Variants in PPP1R13B observed in about 807,000 individuals in gnomAD.
The protein encoded by PPP1R13B is apoptosis-stimulating of p53 protein 1.
A neutral mutation model predicts 119.8 loss-of-function variants in PPP1R13B; 44 were observed. The observed-to-expected ratio is 0.37, with a 90% CI of 0.29 to 0.47. PPP1R13B has a LOEUF of 0.47. Among genes scored for constraint, PPP1R13B ranks in the 20% least tolerant of loss-of-function variants. The pLI is 0.99. For missense variants in PPP1R13B, 1,227 were observed against 1,413.5 expected (o/e 0.87, Z 2.12); for synonymous variants, 542 against 561.5 (o/e 0.97, Z 0.49).
chr14:103,797,590 G>T, intron 1 of PPP1R13B, 72 bp from the exon 2 acceptor site: 1 of 1,201,396 alleles, frequency 8.3e-7, no homozygotes, highest in Non-Finnish European at 1.2e-6. Flanking sequence ...AATTTAAAGT[G>T]ATCCCTCTAC....
intron 1 of PPP1R13B, among the ~76,000 whole-genome samples, chr14:103,841,050 G>A (rs1056601772): frequency 6.6e-6 from 1 of 152,164 alleles, no homozygotes; most frequent in Non-Finnish European, 1.5e-5. Context: ...GCTTTGGGAA[G>A]CTGAGGCGGC....
chr14:103,747,517 AC>A (rs1283812458), intron 8 of PPP1R13B: 1 of 149,610 alleles, frequency 6.7e-6, no homozygotes, highest in African/African-American at 2.4e-5. Context: ...GATGAGATTA[AC>A]TTTTTTTTTT....
intron 12 of PPP1R13B, among the ~76,000 whole-genome samples, chr14:103,739,445 C>T (rs920829743): frequency 9.9e-5 from 15 of 152,260 alleles, no homozygotes; most frequent in Admixed American, 4.6e-4. Flanking sequence ...CCTGAGATGG[C>T]GCCTGGCTCC....
At chr14:103,751,091 T>G (rs970977356) in intron 7 of PPP1R13B, among the ~76,000 whole-genome samples, 3 of 152,032 alleles carry the variant, frequency 2.0e-5, no homozygotes, top group Non-Finnish European at 4.4e-5. Flanking sequence ...GAGGCAGAGG[T>G]TGCAGTGAGC....
chr14:103,812,376 G>A (rs1001479696), intron 1 of PPP1R13B, among the ~76,000 whole-genome samples: 1 of 147,934 alleles, frequency 6.8e-6, no homozygotes, highest in South Asian at 2.1e-4. Context: ...CGCCCACCTC[G>A]GCCTCCCAAA....
intron 2 of PPP1R13B, chr14:103,794,706 G>A (rs1026314508): frequency 1.9e-5 from 8 of 421,586 alleles, no homozygotes; most frequent in Non-Finnish European, 3.3e-5. Flanking sequence ...CTAGGTAAAA[G>A]GACTGAGAAA....
At chr14:103,831,312 C>CTTT in intron 1 of PPP1R13B, among the ~76,000 whole-genome samples, 1 of 123,258 alleles carries the variant, frequency 8.1e-6, no homozygotes, top group Admixed American at 8.2e-5. Flanking sequence ...CATTCTTTTA[C>CTTT]TTTTTTTTTT....
chr14:103,766,640 C>T lies in PPP1R13B; in HGVS notation c.355-8889G>A, dbSNP rs570422815. Among the ~76,000 whole-genome samples the T allele has an allele frequency of 2.0e-5, 3 of 152,292 alleles. No individual in the cohort carries two copies. In the South Asian group the frequency reaches 6.2e-4, roughly 32 times the overall value. On this transcript the variant is annotated intron_variant, in intron 4 of 16. Transcript: ENST00000202556. The stretch of plus-strand genomic sequence containing the variant: ...GTTTGTTTTTTTCAGACAAGAGTCT[C>T]GCTCTGTCACCAGCTAGAGTGCAGT...
At chr14:103,793,499 G>A (rs957292920) in intron 2 of PPP1R13B, among the ~76,000 whole-genome samples, 1 of 152,122 alleles carries the variant, frequency 6.6e-6, no homozygotes, top group African/African-American at 2.4e-5. Flanking sequence ...TAAGTTTCCT[G>A]AGGCCTCCCC....
intron 1 of PPP1R13B, chr14:103,846,694 A>T (rs1028130073): frequency 4.4e-6 from 2 of 455,452 alleles, no homozygotes; most frequent in Non-Finnish European, 8.8e-6. Flanking sequence ...CCTTAAGGGC[A>T]GGACAAAGAC....
At chr14:103,800,641 C>G (rs2085877156) in intron 1 of PPP1R13B, among the ~76,000 whole-genome samples, 1 of 150,356 alleles carries the variant, frequency 6.7e-6, no homozygotes, top group African/African-American at 2.4e-5. Flanking sequence ...GGCAACACAG[C>G]AAGACTGTCT....
At position 103,739,963 on chromosome 14, in the gene PPP1R13B, T is replaced by C. The variant is rs2084210764; in HGVS notation, c.2453A>G (p.Glu818Gly). Residue 818 changes from glutamate to glycine, a missense_variant, in exon 12 of 17, where the codon GAG becomes GGG. Physicochemically the swap from Glu to Gly is moderately conservative, Grantham distance 98. Coordinates refer to ENST00000202556, the MANE Select transcript of PPP1R13B (RefSeq NM_015316.3). ...CGTGGCCACGTTGTTGTTATTGTCC[T>C]CTGCCGGCTCGGCAGTTTGGTGGGT... ...QTTHQTAEPA[E>G]DNNNNVATVP... 6.2e-7 allele frequency: 1 copy of C among 1,614,028 alleles called. No individual in the cohort carries two copies. The highest frequency in any genetic ancestry group is 1.7e-5 in the Admixed American group (1 of 60,006).
intron 1 of PPP1R13B, among the ~76,000 whole-genome samples, chr14:103,815,130 A>G (rs1347923931): frequency 2.6e-5 from 4 of 152,226 alleles, no homozygotes; most frequent in Non-Finnish European, 4.4e-5. Context: ...TGAATGCTAA[A>G]CATGGATGAA....
rs182701406 is a variant in PPP1R13B, at chr14:103,773,845, C to T, written c.354+4900G>A. ...TCCTAGGTGACTGCCTCTATCCTCT[C>T]CTGGCATAAGTCTAAAAGTTTTTCT... On this transcript the variant is annotated intron_variant, in intron 4 of 16. Coordinates refer to ENST00000202556, the MANE Select transcript of PPP1R13B (RefSeq NM_015316.3). Among the ~76,000 whole-genome samples, 314 of 152,338 alleles carry T rather than the reference C, an allele frequency of 2.1e-3. 1 individual carries two copies. The highest frequency in any genetic ancestry group is 7.4e-3 in the African/African-American group (308 of 41,580).
chr14:103,832,799 T>A (rs1009128976), intron 1 of PPP1R13B, among the ~76,000 whole-genome samples: 1 of 152,100 alleles, frequency 6.6e-6, no homozygotes, highest in African/African-American at 2.4e-5. Context: ...CTGGCCAACA[T>A]GGCGAAACTT....
At chr14:103,744,816 G>A (rs2024668) in intron 9 of PPP1R13B, among the ~76,000 whole-genome samples, 11 of 152,244 alleles carry the variant, frequency 7.2e-5, no homozygotes, top group South Asian at 4.2e-4. Flanking sequence ...CTGCTGCCCC[G>A]ACTCTGAAGG....
At chr14:103,814,977 G>A (rs1472544450) in intron 1 of PPP1R13B, among the ~76,000 whole-genome samples, 1 of 151,964 alleles carries the variant, frequency 6.6e-6, no homozygotes, top group Non-Finnish European at 1.5e-5. Flanking sequence ...AAAAAAAATA[G>A]ATGTTTATGT....
At chr14:103,818,526 T>C in intron 1 of PPP1R13B, 1 of 980,052 alleles carries the variant, frequency 1.0e-6, no homozygotes, top group Non-Finnish European at 1.2e-6. Flanking sequence ...TGGCAGCTAC[T>C]AGACAAATCA....
intron 3 of PPP1R13B, among the ~76,000 whole-genome samples, chr14:103,784,583 C>CAA (rs546875688): frequency 0.023 from 1,412 of 60,510 alleles, 98 homozygotes; most frequent in Non-Finnish European, 0.03. Context: ...ACTCTGTCTC[C>CAA]AAAAAAAAAA....
Sources: allele counts gnomAD v4.1 joint callset (sites outside exome capture counted in the v4.1 genomes callset), GRCh38; gene constraint gnomAD v4.1.1; transcripts MANE v1.5; gene names NCBI Gene and HGNC (gene_info 2026-07-23, HGNC 2026-07-21).